PTPRM: variants seen among roughly 807,000 people sequenced by gnomAD.
PTPRM encodes the protein protein tyrosine phosphatase receptor type M, also known as receptor-type tyrosine-protein phosphatase mu.
A neutral mutation model predicts 186.7 loss-of-function variants in PTPRM; 47 were observed. The observed-to-expected ratio is 0.25, with a 90% CI of 0.20 to 0.32. The LOEUF (loss-of-function observed/expected upper bound fraction) is 0.32, where lower values mean the gene tolerates loss of function less well. Ranked by LOEUF, PTPRM falls within the 10% of genes least tolerant of loss-of-function variation. The probability of loss-of-function intolerance (pLI) is 1.00; values close to 1 mark genes in which losing one functional copy is unlikely to be tolerated. For synonymous variants in PTPRM, 668 were observed against 674.9 expected (o/e 0.99, Z 0.16); for missense variants, 1,494 against 1,865.0 (o/e 0.80, Z 3.66).
chr18:7,792,108 A>G (rs1464587349), intron 2 of PTPRM, among the ~76,000 whole-genome samples: 8 of 152,224 alleles, frequency 5.3e-5, no homozygotes, highest in Admixed American at 2.6e-4. Flanking sequence ...TCTGGATAAT[A>G]TATTTATCAA....
At chr18:8,211,620 G>A (rs182925787) in intron 14 of PTPRM, among the ~76,000 whole-genome samples, 1 of 152,016 alleles carries the variant, frequency 6.6e-6, no homozygotes, top group Non-Finnish European at 1.5e-5. Context: ...AGCCAGGCTG[G>A]TCTCAAACTC....
chr18:7,652,920 A>G (rs369187337), intron 1 of PTPRM, among the ~76,000 whole-genome samples: 1 of 152,048 alleles, frequency 6.6e-6, no homozygotes, highest in Non-Finnish European at 1.5e-5. Flanking sequence ...ACTACTACTA[A>G]TAAAAAAGGG....
chr18:8,201,415 A>AT (rs902593897), intron 14 of PTPRM, among the ~76,000 whole-genome samples: 4 of 152,268 alleles, frequency 2.6e-5, no homozygotes, highest in African/African-American at 9.6e-5. Context: ...TTTTTTAAAT[A>AT]TGTGAATGGC....
chr18:7,770,144 A>T (rs1406984301), intron 1 of PTPRM, among the ~76,000 whole-genome samples: 1 of 152,196 alleles, frequency 6.6e-6, no homozygotes, highest in East Asian at 1.9e-4. Context: ...ACTGCTGTAG[A>T]TGATGGCAAA....
In PTPRM at chr18:7,810,117, G is replaced by T. The variant is rs575093090; in HGVS notation, c.196+35846G>T. Among the ~76,000 whole-genome samples the T allele has an allele frequency of 2.0e-5, 3 of 152,224 alleles. No homozygotes were observed. In the East Asian group the frequency reaches 5.8e-4, roughly 30 times the overall value. On this transcript the variant is annotated intron_variant, in intron 2 of 32. Coordinates refer to ENST00000580170, the MANE Select transcript of PTPRM (RefSeq NM_001105244.2). The stretch of plus-strand genomic sequence containing the variant: ...CTGGAATCAGAAATACCCAGCTTAG[G>T]GATCTGCAGTAGCCAAACACCCCTC...
chr18:7,884,124 G>T (rs2048646219), intron 2 of PTPRM, among the ~76,000 whole-genome samples: 1 of 152,108 alleles, frequency 6.6e-6, no homozygotes, highest in African/African-American at 2.4e-5. Flanking sequence ...TCCAGCCTGG[G>T]GGACAGAGTG....
intron 2 of PTPRM, among the ~76,000 whole-genome samples, chr18:7,801,625 A>C (rs2043974503): frequency 1.3e-5 from 2 of 152,178 alleles, no homozygotes; most frequent in Admixed American, 1.3e-4. Context: ...TACCTTTATC[A>C]AGTATTATGT....
intron 14 of PTPRM, among the ~76,000 whole-genome samples, chr18:8,157,059 C>A (rs2093136181): frequency 6.6e-6 from 1 of 152,106 alleles, no homozygotes; most frequent in Non-Finnish European, 1.5e-5. Flanking sequence ...GAGACAAATG[C>A]TGGGGTCTTC....
chr18:8,379,402 G>A, intron 28 of PTPRM, 62 bp downstream of exon 28: 1 of 1,462,336 alleles, frequency 6.8e-7, no homozygotes, highest in Non-Finnish European at 9.1e-7. Flanking sequence ...TGCAGAACAG[G>A]CTTGGGTCTT....
At chr18:8,344,402 A>C (rs2095492246) in intron 23 of PTPRM, among the ~76,000 whole-genome samples, 1 of 149,280 alleles carries the variant, frequency 6.7e-6, no homozygotes, top group South Asian at 2.1e-4. Flanking sequence ...ATATATACAT[A>C]CACACAATAT....
chr18:8,243,342 A>C (rs961172536), intron 14 of PTPRM, among the ~76,000 whole-genome samples: 3 of 152,324 alleles, frequency 2.0e-5, no homozygotes, highest in Non-Finnish European at 4.4e-5. Context: ...CAGGGAACCC[A>C]GCGACATGAC....
intron 2 of PTPRM, among the ~76,000 whole-genome samples, chr18:7,842,978 A>G (rs866559427): frequency 2.3e-4 from 34 of 147,388 alleles, no homozygotes; most frequent in Admixed American, 3.4e-4. Flanking sequence ...AGAGAGAGAG[A>G]GATTATATGA....
At chr18:8,158,531 A>G (rs1296276161) in intron 14 of PTPRM, among the ~76,000 whole-genome samples, 1 of 152,230 alleles carries the variant, frequency 6.6e-6, no homozygotes. Context: ...AATGAAGAGT[A>G]TGAGGAAAGA....
chr18:8,168,664 A>G (rs1381755962), intron 14 of PTPRM, among the ~76,000 whole-genome samples: 1 of 152,270 alleles, frequency 6.6e-6, no homozygotes, highest in African/African-American at 2.4e-5. Flanking sequence ...AGGAGAAAAG[A>G]GATCCAACTA....
rs115256969 is a variant in PTPRM, at chr18:7,744,732, C to T, written c.74-29417C>T. Among the ~76,000 whole-genome samples, 928 of 152,186 alleles carry T rather than the reference C, an allele frequency of 6.1e-3. 12 individuals carry two copies. Among genetic ancestry groups the T allele is most frequent in the African/African-American group, 0.021 (871 of 41,490 alleles). On this transcript the variant is annotated intron_variant, in intron 1 of 32. Coordinates refer to ENST00000580170, the MANE Select transcript of PTPRM (RefSeq NM_001105244.2). The stretch of plus-strand genomic sequence containing the variant: ...TGTATTGGACACCCCCAATATTTTT[C>T]CCAGAGCCACTATGAGGATAATTGT...
At chr18:8,057,425 C>CTTTTTTTTTTTTTTTTTTTTTTTTCTTTT (rs763829289) in intron 7 of PTPRM, among the ~76,000 whole-genome samples, 7 of 102,534 alleles carry the variant, frequency 6.8e-5, no homozygotes, top group African/African-American at 1.3e-4. Context: ...TGTGATACTT[C>CTTTTTTTTTTTTTTTTTTTTTTTTCTTTT]TTTTTTTTTT....
At chr18:8,276,256 C>T (rs2094834084) in intron 19 of PTPRM, among the ~76,000 whole-genome samples, 1 of 152,086 alleles carries the variant, frequency 6.6e-6, no homozygotes, top group African/African-American at 2.4e-5. Context: ...ACCTCTCTAT[C>T]CTGTTTACTG....
At chr18:7,593,572 T>A (rs568710082) in intron 1 of PTPRM, among the ~76,000 whole-genome samples, 315 of 152,340 alleles carry the variant, frequency 2.1e-3, no homozygotes, top group African/African-American at 7.2e-3. Flanking sequence ...CCCATGTACA[T>A]GACCACAGGC....
intron 20 of PTPRM, among the ~76,000 whole-genome samples, chr18:8,303,169 G>A (rs1242846738): frequency 1.3e-5 from 2 of 152,104 alleles, no homozygotes; most frequent in African/African-American, 4.8e-5. Context: ...CAGCGGTGCA[G>A]GGAGCACTCT....
Sources: allele counts gnomAD v4.1 joint callset (sites outside exome capture counted in the v4.1 genomes callset), GRCh38; gene constraint gnomAD v4.1.1; transcripts MANE v1.5; gene names NCBI Gene and HGNC (gene_info 2026-07-23, HGNC 2026-07-21).